ZFHX3: variants seen among roughly 807,000 people sequenced by gnomAD.
ZFHX3 encodes zinc finger homeobox 3, also known as zinc finger homeobox protein 3.
ZFHX3 carries 42 observed loss-of-function variants against 279.1 expected under a neutral mutation model. The observed-to-expected ratio is 0.15, with a 90% CI of 0.12 to 0.19. The LOEUF (loss-of-function observed/expected upper bound fraction) is 0.19. Ranked by LOEUF, ZFHX3 falls within the 10% of genes least tolerant of loss-of-function variation. The probability of loss-of-function intolerance (pLI) is 1.00; values close to 1 mark genes in which losing one functional copy is unlikely to be tolerated. For missense variants in ZFHX3, 4,981 were observed against 4,754.0 expected, an observed-to-expected ratio of 1.05 and a Z score of -1.40; for synonymous variants, 2,293 against 1,957.8, an observed-to-expected ratio of 1.17 and a Z score of -4.52.
At chr16:72,907,289 A>C (rs1162975919) in intron 3 of ZFHX3, among the ~76,000 whole-genome samples, 1 of 152,120 alleles carries the variant, frequency 6.6e-6, no homozygotes, top group Non-Finnish European at 1.5e-5. Context: ...TATTTTTATA[A>C]TGGTCTTTCT....
chr16:72,923,376 C>T (rs1384712802), intron 3 of ZFHX3, among the ~76,000 whole-genome samples: 1 of 149,084 alleles, frequency 6.7e-6, no homozygotes, highest in Non-Finnish European at 1.5e-5. Context: ...GCCTAGGAGG[C>T]AGAGGCTGCA....
At chr16:73,262,889 G>T (rs916963196) in intron 4 of ZFHX3, among the ~76,000 whole-genome samples, 2 of 152,012 alleles carry the variant, frequency 1.3e-5, no homozygotes, top group Non-Finnish European at 1.5e-5. Context: ...AAGAATCCCC[G>T]AGGAAGCCCT....
intron 1 of ZFHX3, among the ~76,000 whole-genome samples, chr16:73,819,960 C>T (rs987605408): frequency 6.6e-6 from 1 of 152,192 alleles, no homozygotes; most frequent in Non-Finnish European, 1.5e-5. Flanking sequence ...CTCATCCCAC[C>T]AACTCTTCTG....
intron 1 of ZFHX3, among the ~76,000 whole-genome samples, chr16:73,046,451 G>A (rs1401078205): frequency 2.6e-5 from 4 of 152,144 alleles, no homozygotes; most frequent in South Asian, 2.1e-4. Context: ...CAGCACTCTC[G>A]TGTCCTCCTC....
chr16:73,525,862 C>T (rs922880424), intron 2 of ZFHX3, among the ~76,000 whole-genome samples: 1 of 152,174 alleles, frequency 6.6e-6, no homozygotes, highest in Non-Finnish European at 1.5e-5. Context: ...TTAAGCCTTA[C>T]ATCAGCAGAG....
chr16:73,468,723 T>C (rs1179068208), intron 2 of ZFHX3, among the ~76,000 whole-genome samples: 1 of 151,906 alleles, frequency 6.6e-6, no homozygotes, highest in Non-Finnish European at 1.5e-5. Context: ...ATTATACTAC[T>C]ATGAAAAAAG....
intron 1 of ZFHX3, among the ~76,000 whole-genome samples, chr16:72,993,846 C>T (rs1221453795): frequency 6.6e-6 from 1 of 152,166 alleles, no homozygotes; most frequent in Non-Finnish European, 1.5e-5. Flanking sequence ...AACTTCATTT[C>T]CTCTGCCACT....
chr16:73,064,112 G>GT (rs1008320841), upstream of ZFHX3, among the ~76,000 whole-genome samples: 6 of 152,232 alleles, frequency 3.9e-5, no homozygotes, highest in South Asian at 2.1e-4. Flanking sequence ...AGAAAAAGGA[G>GT]TTTTTTGGTG....
At position 73,349,887 on chromosome 16, in the gene ZFHX3, C is replaced by G. The variant is rs2890062; in HGVS notation, c.-1290-31551G>C. Among the ~76,000 whole-genome samples the G allele has an allele frequency of 7.0e-5, 10 of 142,304 alleles. 1 individual carries two copies. The highest frequency in any genetic ancestry group is 1.5e-4 in the Non-Finnish European group (10 of 66,282). 93.4% of individuals were successfully genotyped at this position (142,304 alleles called of 152,430 possible). A position where few individuals can be genotyped will look rare whatever the true frequency, so the allele number is the denominator to read the frequency against. Reference sequence around the variant, plus strand: ...TTTCTTCCCCCTCCTCTCTTCTTTACTCCCCTTCTTCTTCCCTCCCTTCCC... The same window carrying G: ...TTTCTTCCCCCTCCTCTCTTCTTTAGTCCCCTTCTTCTTCCCTCCCTTCCC... On this transcript the variant is annotated intron_variant, in intron 3 of 17. Transcript: ENST00000641206.
chr16:73,413,591 C>T (rs150493337), intron 3 of ZFHX3, among the ~76,000 whole-genome samples: 12 of 152,192 alleles, frequency 7.9e-5, no homozygotes, highest in Admixed American at 5.9e-4. Context: ...GAGAGGCAAT[C>T]GAAGTGAGAA....
intron 1 of ZFHX3, among the ~76,000 whole-genome samples, chr16:73,041,025 A>G (rs564443915): frequency 2.0e-5 from 3 of 152,354 alleles, no homozygotes; most frequent in Admixed American, 6.5e-5. Context: ...CACCTTTCCA[A>G]AGAGTGGGCT....
In ZFHX3 at chr16:72,889,920, A is replaced by G. The variant is rs2038728433; in HGVS notation, c.3259T>C (p.Tyr1087His). The G allele has an allele frequency of 6.2e-7, 1 of 1,614,148 alleles. No homozygotes were observed. The highest frequency in any genetic ancestry group is 1.3e-5 in the African/African-American group (1 of 75,062). The change falls in exon 4 of 10, where the codon TAC (tyrosine) becomes CAC (histidine). Residue 1087 changes from tyrosine to histidine, a missense_variant. This residue lies in a region of ZFHX3 where 1,751 missense variants were observed against 1,770.0 expected (regional missense o/e 0.99). Coordinates refer to ENST00000268489, the MANE Select transcript of ZFHX3 (RefSeq NM_006885.4). ...TAGTTGCACAGAACGCAGTGGTAGT[A>G]GCAGCTCTCACCTTCTACACCACTC... ...HESGVEGESCYYHCVLCNYST... is the reference protein window; with the variant it reads ...HESGVEGESCHYHCVLCNYST...
chr16:73,162,239 C>T (rs1336935622), intron 5 of ZFHX3, among the ~76,000 whole-genome samples: 1 of 152,174 alleles, frequency 6.6e-6, no homozygotes, highest in Non-Finnish European at 1.5e-5. Context: ...TGAGCTCTGC[C>T]TCCTGCCAGA....
intron 1 of ZFHX3, among the ~76,000 whole-genome samples, chr16:72,974,509 G>A (rs753776781): frequency 6.6e-5 from 10 of 151,872 alleles, no homozygotes; most frequent in Non-Finnish European, 1.0e-4. Flanking sequence ...ACGAGGCTCC[G>A]GAACTGGCAC....
intron 4 of ZFHX3, among the ~76,000 whole-genome samples, chr16:72,871,004 A>G (rs963900107): frequency 1.3e-5 from 2 of 152,204 alleles, no homozygotes; most frequent in South Asian, 4.1e-4. Flanking sequence ...CAATGTGTAT[A>G]TTTCTATTTA....
chr16:72,833,408 C>A (rs1479592920), intron 4 of ZFHX3, among the ~76,000 whole-genome samples: 1 of 152,140 alleles, frequency 6.6e-6, no homozygotes, highest in Non-Finnish European at 1.5e-5. Flanking sequence ...ACAGAGGCTG[C>A]AGATTTTTTT....
chr16:73,156,303 A>G (rs1486225903), intron 5 of ZFHX3, among the ~76,000 whole-genome samples: 1 of 152,054 alleles, frequency 6.6e-6, no homozygotes, highest in East Asian at 1.9e-4. Context: ...GGCTTATTAT[A>G]AGAACTAGCT....
intron 3 of ZFHX3, among the ~76,000 whole-genome samples, chr16:72,903,368 G>A (rs947201455): frequency 6.6e-6 from 1 of 152,196 alleles, no homozygotes; most frequent in African/African-American, 2.4e-5. Flanking sequence ...ATGGGGCCAG[G>A]AATGTGGCTT....
intron 4 of ZFHX3, among the ~76,000 whole-genome samples, chr16:72,877,654 C>T (rs940149797): frequency 2.0e-5 from 3 of 152,084 alleles, no homozygotes; most frequent in African/African-American, 4.8e-5. Context: ...CGGTGAGTCA[C>T]TAGGAAAGGA....
Sources: allele counts gnomAD v4.1 joint callset (sites outside exome capture counted in the v4.1 genomes callset), GRCh38; gene constraint gnomAD v4.1.1; regional missense constraint gnomAD v4.1.1; transcripts MANE v1.5; gene names NCBI Gene and HGNC (gene_info 2026-07-23, HGNC 2026-07-21).